PPP5C: variants seen among roughly 807,000 people sequenced by gnomAD.
The protein encoded by PPP5C is serine/threonine-protein phosphatase 5.
Under a neutral mutation model 66.7 loss-of-function variants are expected in PPP5C, and 21 were observed. The observed-to-expected ratio is 0.31, with a 90% CI of 0.22 to 0.45. PPP5C has a LOEUF of 0.45. Among genes scored for constraint, PPP5C ranks in the 20% least tolerant of loss-of-function variants. PPP5C has a pLI of 1.00. For missense variants in PPP5C, 464 were observed against 675.9 expected (o/e 0.69, Z 3.48); for synonymous variants, 246 against 257.4 (o/e 0.96, Z 0.43).
chr19:46,386,932 T>TC lies in PPP5C; in HGVS notation c.905-155dup, dbSNP rs1220687636. 1.6e-5 allele frequency: 15 copies of TC among 967,148 alleles called. No individual in the cohort carries two copies. In the Admixed American group the frequency reaches 1.7e-4, roughly 11 times the overall value. The allele number at this position is 967,148 out of a possible 1,614,324, so 59.9% of individuals were successfully genotyped here. Reference sequence around the variant, plus strand: ...CCATGGACCTACTTTTTGTCAAGATTCCCCCCTTGGTACCTCCAGTCTGGA... The same window carrying TC: ...CCATGGACCTACTTTTTGTCAAGATTCCCCCCCTTGGTACCTCCAGTCTGGA... On this transcript the variant is annotated intron_variant, in intron 7 of 12. Coordinates refer to ENST00000012443, the MANE Select transcript of PPP5C (RefSeq NM_006247.4).
At chr19:46,384,751 A>C (rs1038540881) in intron 6 of PPP5C, 53 bp from the exon 7 acceptor site, 7 of 1,325,054 alleles carry the variant, frequency 5.3e-6, no homozygotes, top group East Asian at 2.3e-5. Context: ...CCCCAACCCC[A>C]CCGCACCGCA....
chr19:46,377,959 T>C (rs1421209772), intron 4 of PPP5C, among the ~76,000 whole-genome samples: 1 of 152,252 alleles, frequency 6.6e-6, no homozygotes, highest in Non-Finnish European at 1.5e-5. Flanking sequence ...GACAAGTCTT[T>C]TTGTGAACAT....
chr19:46,390,572 G>C lies in PPP5C; in HGVS notation c.*226G>C. On this transcript the variant is annotated 3_prime_UTR_variant, in exon 13 of 13. Transcript: ENST00000012443. ...CAGAGAGGAAGGAGGTGGAGCAGCT[G>C]GGGCTGGGGGCACAGCCTGGGCATT... is the stretch of plus-strand genomic sequence containing the variant. 1 of 1,401,082 alleles carries C rather than the reference G, an allele frequency of 7.1e-7. No individual in the cohort carries two copies. Among genetic ancestry groups the C allele is most frequent in the Middle Eastern group, 2.7e-4 (1 of 3,718 alleles). 86.8% of individuals were successfully genotyped at this position (1,401,082 alleles called of 1,614,324 possible).
In PPP5C at chr19:46,368,385, T is replaced by C. The variant is rs190565416; in HGVS notation, c.364-7219T>C. On this transcript the variant is annotated intron_variant, in intron 2 of 12. Transcript: ENST00000012443. Reference sequence around the variant, plus strand: ...GTGGCGAGTGTCCTTTCTCCATCCCTGTCCGTAAGACCCACCAGAAGCAGT... The same window carrying C: ...GTGGCGAGTGTCCTTTCTCCATCCCCGTCCGTAAGACCCACCAGAAGCAGT... Among the ~76,000 whole-genome samples, 12 of 152,348 alleles carry C rather than the reference T, an allele frequency of 7.9e-5. No individual in the cohort carries two copies. In the South Asian group the frequency reaches 2.5e-3, roughly 32 times the overall value.
intron 9 of PPP5C, chr19:46,387,665 G>A (rs1188820710): frequency 1.3e-6 from 2 of 1,494,644 alleles, no homozygotes; most frequent in South Asian, 1.3e-5. Flanking sequence ...GGTGCGGGGT[G>A]AAGGCACGGT....
chr19:46,390,880 G>A lies in PPP5C; in HGVS notation c.*534G>A. The A allele has an allele frequency of 8.7e-7, 1 of 1,147,358 alleles. No homozygotes were observed. Among genetic ancestry groups the A allele is most frequent in the Non-Finnish European group, 1.1e-6 (1 of 917,322 alleles). The allele number at this position is 1,147,358 out of a possible 1,614,324, so 71.1% of individuals were successfully genotyped here. ...TTGTCTCTGGATGGTGGAGCCGAAGGAGCTGCCCGGGTTGGGTTACGCCTG... is the reference window on the plus strand; with the variant it reads ...TTGTCTCTGGATGGTGGAGCCGAAGAAGCTGCCCGGGTTGGGTTACGCCTG... On this transcript the variant is annotated 3_prime_UTR_variant, in exon 13 of 13. Transcript: ENST00000012443.
chr19:46,387,028 G>T, intron 7 of PPP5C, 65 bp from the exon 8 acceptor site: 1 of 1,610,210 alleles, frequency 6.2e-7, no homozygotes, highest in African/African-American at 1.3e-5. Flanking sequence ...CCTTGAGGGT[G>T]CCAGGCTGGA....
rs1199866990 is a variant in PPP5C at position 46,376,220 on chromosome 19, G to A, written c.512-233G>A. Among the ~76,000 whole-genome samples, 2 of 152,120 alleles carry A rather than the reference G, an allele frequency of 1.3e-5. No individual in the cohort carries two copies. Among genetic ancestry groups the A allele is most frequent in the Non-Finnish European group, 2.9e-5 (2 of 68,028 alleles). On this transcript the variant is annotated intron_variant, in intron 3 of 12. Coordinates refer to ENST00000012443, the MANE Select transcript of PPP5C (RefSeq NM_006247.4). This position sits in a 1 kb window ranked among gnomAD's most constrained non-coding sequence, Gnocchi z 5.1. Reference sequence around the variant, plus strand: ...ATGAATAAGTCATGAAATGAATAGTGCTAAGTGCCATAAAACTGAATAGAG... The same window carrying A: ...ATGAATAAGTCATGAAATGAATAGTACTAAGTGCCATAAAACTGAATAGAG...
chr19:46,388,785 T>C lies in PPP5C; in HGVS notation c.1355+54T>C, dbSNP rs1972937869. 6.4e-7 allele frequency: 1 copy of C among 1,570,440 alleles called. No homozygotes were observed. The highest frequency in any genetic ancestry group is 1.4e-5 in the African/African-American group (1 of 73,110). ...CTCTACCAAGCCACGGGTTTTTGTCTTGGTTTTTGTTTTGCCTTTTTATGA... is the reference window on the plus strand; with the variant it reads ...CTCTACCAAGCCACGGGTTTTTGTCCTGGTTTTTGTTTTGCCTTTTTATGA... On this transcript the variant is annotated intron_variant, in intron 11 of 12. Coordinates refer to ENST00000012443, the MANE Select transcript of PPP5C (RefSeq NM_006247.4). This position sits in a 1 kb window ranked among gnomAD's most constrained non-coding sequence, Gnocchi z 4.9.
Position 46,384,895 on chromosome 19 carries a change from T to C in PPP5C, c.890T>C (p.Phe297Ser). Residue 297 changes from phenylalanine (F) to serine (S), a missense_variant, in exon 7 of 13, where the codon TTT becomes TCT. Phe to Ser is a radical substitution (Grantham distance 155). Around this residue, in one of 2 missense-constraint regions of PPP5C, gnomAD observed 387 missense variants for 626.0 expected, o/e 0.62. Coordinates refer to ENST00000012443, the MANE Select transcript of PPP5C (RefSeq NM_006247.4). ...FGFKLLYPDH[F>S]HLLRGNHETD... ...TTCAAGCTCCTGTACCCAGATCACT[T>C]TCACCTCCTTCGAGGTGAGCTGGGA... 2 of 1,613,622 alleles carry C rather than the reference T, an allele frequency of 1.2e-6. No homozygotes were observed. Among genetic ancestry groups the C allele is most frequent in the Non-Finnish European group, 1.7e-6 (2 of 1,179,502 alleles).
chr19:46,368,742 T>G (rs371161373), intron 2 of PPP5C, among the ~76,000 whole-genome samples: 7 of 152,266 alleles, frequency 4.6e-5, no homozygotes, highest in African/African-American at 1.4e-4. Flanking sequence ...GTCTCCAGTT[T>G]CCATTATACC....
chr19:46,389,170 A>C (rs1972946200), intron 11 of PPP5C, among the ~76,000 whole-genome samples: 1 of 152,000 alleles, frequency 6.6e-6, no homozygotes. Context: ...CTAAAAATAC[A>C]AAAATTAGCA....
intron 2 of PPP5C, among the ~76,000 whole-genome samples, chr19:46,371,856 T>G (rs1972599093): frequency 6.6e-6 from 1 of 152,242 alleles, no homozygotes; most frequent in Non-Finnish European, 1.5e-5. Flanking sequence ...GCTCATTGTC[T>G]GCATGTTGGA....
rs759886361 is a variant in PPP5C, at chr19:46,388,525, CCT to C, written c.1177-27_1177-26del. ...TGGAGGCAGACAGTCACCCTGAACC[CCT>C]GTCTCTCCCTTCTGCCCACCCTCAG... On this transcript the variant is annotated intron_variant, in intron 10 of 12. Coordinates refer to ENST00000012443, the MANE Select transcript of PPP5C (RefSeq NM_006247.4). This position sits in a 1 kb window ranked among gnomAD's most constrained non-coding sequence, Gnocchi z 4.9. The C allele has an allele frequency of 1.0e-4, 167 of 1,612,180 alleles. No homozygotes were observed. The highest frequency in any genetic ancestry group is 4.8e-4 in the African/African-American group (36 of 75,026).
In PPP5C at chr19:46,376,836, G is replaced by A; in HGVS notation, c.633+262G>A. ...AGAGGTCAGGTGACTGGCCCAGGGTGAAAGGTGAGGAAGCAGTAGAGTCTG... is the reference window on the plus strand; with the variant it reads ...AGAGGTCAGGTGACTGGCCCAGGGTAAAAGGTGAGGAAGCAGTAGAGTCTG... On this transcript the variant is annotated intron_variant, in intron 4 of 12. Transcript: ENST00000012443. This position sits in a 1 kb window ranked among gnomAD's most constrained non-coding sequence, Gnocchi z 5.1. The A allele has an allele frequency of 2.5e-6, 1 of 393,756 alleles. No individual in the cohort carries two copies. The highest frequency in any genetic ancestry group is 4.7e-6 in the Non-Finnish European group (1 of 213,382). 24.4% of individuals were successfully genotyped at this position (393,756 alleles called of 1,614,324 possible).
chr19:46,359,670 G>A (rs1429532891), intron 2 of PPP5C, among the ~76,000 whole-genome samples: 3 of 151,328 alleles, frequency 2.0e-5, no homozygotes, highest in African/African-American at 7.3e-5. Flanking sequence ...CTCAAAATAA[G>A]TTTTAGTGTT....
intron 4 of PPP5C, chr19:46,382,889 T>C: frequency 9.4e-7 from 1 of 1,067,928 alleles, no homozygotes. Flanking sequence ...ATAAATCATC[T>C]GCATTTCTAG....
intron 4 of PPP5C, among the ~76,000 whole-genome samples, chr19:46,379,621 CT>C (rs1325044197): frequency 1.3e-5 from 2 of 152,146 alleles, no homozygotes; most frequent in East Asian, 3.9e-4. Flanking sequence ...CTTGTTTCTC[CT>C]TCTTTGACTT....
At chr19:46,363,285 G>A (rs1972426134) in intron 2 of PPP5C, among the ~76,000 whole-genome samples, 1 of 86,944 alleles carries the variant, frequency 1.2e-5, no homozygotes, top group Non-Finnish European at 2.1e-5. Context: ...TCCAGCCTGG[G>A]CGACAGAGCG....
Sources: allele counts gnomAD v4.1 joint callset (sites outside exome capture counted in the v4.1 genomes callset), GRCh38; gene constraint gnomAD v4.1.1; regional missense constraint gnomAD v4.1.1; non-coding constraint Gnocchi (gnomAD v3.1); transcripts MANE v1.5; gene names NCBI Gene and HGNC (gene_info 2026-07-23, HGNC 2026-07-21).